Variants in MYO16 observed in about 807,000 individuals in gnomAD.
MYO16 encodes the protein myosin XVI, also known as unconventional myosin-XVI.
A neutral mutation model predicts 205.3 loss-of-function variants in MYO16; 94 were observed. The observed-to-expected ratio is 0.46, with a 90% confidence interval of 0.39 to 0.54. MYO16 has a LOEUF of 0.54. Among genes scored for constraint, MYO16 ranks in the 20% least tolerant of loss-of-function variants. MYO16 has a pLI of 0.00. For synonymous variants in MYO16, 988 were observed against 954.0 expected (o/e 1.04, Z -0.66); for missense variants, 2,315 against 2,387.5 (o/e 0.97, Z 0.63).
At chr13:109,157,600 C>T (rs1442049000) in intron 32 of MYO16, among the ~76,000 whole-genome samples, 3 of 152,324 alleles carry the variant, frequency 2.0e-5, no homozygotes, top group Admixed American at 1.3e-4. Context: ...CCCCCTGGCC[C>T]TTTGCAACCT....
the MYO16 span, among the ~76,000 whole-genome samples, chr13:108,589,261 C>T: frequency 6.6e-6 from 1 of 152,130 alleles, no homozygotes; most frequent in Admixed American, 6.6e-5. Context: ...CTTACCTTTT[C>T]CTACCGAACA....
intron 16 of MYO16, among the ~76,000 whole-genome samples, chr13:108,917,118 C>T (rs181508158): frequency 6.6e-6 from 1 of 152,296 alleles, no homozygotes; most frequent in East Asian, 1.9e-4. Context: ...CACGCACACA[C>T]ACACATCAGT....
At chr13:108,977,846 A>G (rs1353280270) in intron 20 of MYO16, among the ~76,000 whole-genome samples, 2 of 152,026 alleles carry the variant, frequency 1.3e-5, no homozygotes, top group Non-Finnish European at 2.9e-5. Flanking sequence ...TATTAATTTT[A>G]TAATCAGTTT....
the MYO16 span, among the ~76,000 whole-genome samples, chr13:108,558,441 T>C: frequency 6.6e-6 from 1 of 152,208 alleles, no homozygotes; most frequent in Non-Finnish European, 1.5e-5. Flanking sequence ...GACAGTTGAG[T>C]GTCCTGAGTG....
chr13:108,787,086 A>G (rs558760672), intron 5 of MYO16, among the ~76,000 whole-genome samples: 1 of 152,332 alleles, frequency 6.6e-6, no homozygotes, highest in Non-Finnish European at 1.5e-5. Flanking sequence ...AGTTAATGAT[A>G]CTGTATTGCA....
the MYO16 span, among the ~76,000 whole-genome samples, chr13:108,570,361 G>T: frequency 4.6e-5 from 7 of 152,120 alleles, no homozygotes; most frequent in East Asian, 1.4e-3. Flanking sequence ...TGATCCTCCT[G>T]CCTCAGCCTC....
intron 20 of MYO16, among the ~76,000 whole-genome samples, chr13:108,971,891 A>G (rs1019001484): frequency 2.0e-5 from 3 of 151,812 alleles, no homozygotes; most frequent in African/African-American, 7.3e-5. Flanking sequence ...CACAATGGGA[A>G]TGGTGGCTGT....
chr13:108,541,265 A>G, the MYO16 span, among the ~76,000 whole-genome samples: 3 of 151,940 alleles, frequency 2.0e-5, no homozygotes, highest in East Asian at 5.8e-4. Context: ...TATATATTAC[A>G]TTATACATCT....
chr13:109,174,346 G>T (rs1879066392), intron 33 of MYO16, among the ~76,000 whole-genome samples: 1 of 152,138 alleles, frequency 6.6e-6, no homozygotes, highest in African/African-American at 2.4e-5. Context: ...AGAAAAGCCA[G>T]AATTTTTAAA....
At chr13:108,505,050 C>T in the MYO16 span, among the ~76,000 whole-genome samples, 19,283 of 152,102 alleles carry the variant, frequency 0.13, 1,386 homozygotes, top group East Asian at 0.23. Context: ...TCTTCATCCA[C>T]TTGTTTGTTG....
chr13:108,631,495 CA>C (rs1355003667), intron 1 of MYO16, among the ~76,000 whole-genome samples: 86 of 152,282 alleles, frequency 5.6e-4, no homozygotes, highest in African/African-American at 2.1e-3. Context: ...TTTCTTTTAG[CA>C]TGCTAGTATA....
intron 2 of MYO16, among the ~76,000 whole-genome samples, chr13:108,712,444 G>C (rs1883757537): frequency 6.6e-6 from 1 of 152,188 alleles, no homozygotes; most frequent in South Asian, 2.1e-4. Context: ...TTGCATGATT[G>C]TAATACGAAA....
intron 6 of MYO16, among the ~76,000 whole-genome samples, chr13:108,799,009 A>C (rs781732339): frequency 6.6e-6 from 1 of 152,218 alleles, no homozygotes; most frequent in South Asian, 2.1e-4. Flanking sequence ...CCGGCCCCCG[A>C]GGCTTATTTA....
At chr13:108,532,041 A>G in the MYO16 span, among the ~76,000 whole-genome samples, 1 of 151,966 alleles carries the variant, frequency 6.6e-6, no homozygotes, top group East Asian at 1.9e-4. Context: ...ACCCTGTCTT[A>G]CTGAAAATAC....
At chr13:108,860,304 T>C (rs1265911074) in intron 11 of MYO16, among the ~76,000 whole-genome samples, 1 of 150,864 alleles carries the variant, frequency 6.6e-6, no homozygotes, top group Non-Finnish European at 1.5e-5. Context: ...GATAATAGCC[T>C]CCAGCTCCAT....
the MYO16 span, among the ~76,000 whole-genome samples, chr13:108,566,731 AAGGG>A: frequency 1.8e-4 from 23 of 125,474 alleles, no homozygotes; most frequent in Admixed American, 5.2e-4. Flanking sequence ...GGAAGGAAGG[AAGGG>A]AGGAAGGAAG....
At chr13:108,750,616 GA>G (rs34552172) in intron 4 of MYO16, among the ~76,000 whole-genome samples, 115,924 of 129,694 alleles carry the variant, frequency 0.89, 52,729 homozygotes, top group East Asian at 0.99. Context: ...TAAAACTACA[GA>G]AAAAAAAAAA....
intron 7 of MYO16, among the ~76,000 whole-genome samples, chr13:108,810,370 G>A (rs1217566973): frequency 6.6e-6 from 1 of 152,062 alleles, no homozygotes; most frequent in East Asian, 1.9e-4. Flanking sequence ...ACAGAATCAG[G>A]TGCAAAACTG....
At chr13:108,592,798 G>C (rs1247907072), upstream of MYO16, among the ~76,000 whole-genome samples, 3 of 150,842 alleles carry the variant, frequency 2.0e-5, no homozygotes, top group Admixed American at 1.3e-4. Context: ...TAGAAGCTTT[G>C]ATACGAGCAC....
Sources: allele counts gnomAD v4.1 joint callset (sites outside exome capture counted in the v4.1 genomes callset), GRCh38; gene constraint gnomAD v4.1.1; transcripts MANE v1.5; gene names NCBI Gene and HGNC (gene_info 2026-07-23, HGNC 2026-07-21).